EYA3: variants seen among roughly 807,000 people sequenced by gnomAD.
EYA3 encodes protein phosphatase EYA3.
A neutral mutation model predicts 80.0 loss-of-function variants in EYA3; 39 were observed. The observed-to-expected ratio is 0.49, with a 90% CI of 0.38 to 0.64. The LOEUF (loss-of-function observed/expected upper bound fraction) is 0.64. Among genes scored for constraint, EYA3 ranks in the 30% least tolerant of loss-of-function variants. The pLI, the probability that EYA3 is intolerant of heterozygous loss-of-function variation, is 0.00. For missense variants in EYA3, 523 were observed against 676.1 expected (o/e 0.77, Z 2.51); for synonymous variants, 206 against 232.8 (o/e 0.88, Z 1.05).
intron 7 of EYA3, among the ~76,000 whole-genome samples, chr1:28,017,747 T>C (rs1221408279): frequency 1.3e-5 from 2 of 152,248 alleles, no homozygotes; most frequent in Non-Finnish European, 2.9e-5. Context: ...AATTGCTTCT[T>C]GAGTTCTACT....
chr1:28,026,760 GA>G (rs200588336), intron 7 of EYA3, among the ~76,000 whole-genome samples: 104 of 138,964 alleles, frequency 7.5e-4, no homozygotes, highest in African/African-American at 1.2e-3. Flanking sequence ...GACAAGGGGA[GA>G]AAAAAAAAAA....
chr1:28,005,693 C>A (rs963498011), intron 10 of EYA3, among the ~76,000 whole-genome samples: 4 of 151,510 alleles, frequency 2.6e-5, no homozygotes, highest in African/African-American at 2.4e-5. Context: ...CCAGTCTGGG[C>A]AACGAAGTGA....
chr1:27,999,065 A>G (rs1640650548), intron 12 of EYA3, among the ~76,000 whole-genome samples: 1 of 152,222 alleles, frequency 6.6e-6, no homozygotes, highest in Admixed American at 6.5e-5. Flanking sequence ...CACCACGCCC[A>G]GCCTATAAAA....
At chr1:28,044,807 C>T (rs373304096) in intron 3 of EYA3, among the ~76,000 whole-genome samples, 61 of 152,122 alleles carry the variant, frequency 4.0e-4, no homozygotes, top group African/African-American at 1.4e-3. Context: ...GGGTCTCACT[C>T]GGTCACCCAG....
chr1:27,975,260 C>A (rs1638875416), intron 17 of EYA3, among the ~76,000 whole-genome samples: 1 of 152,100 alleles, frequency 6.6e-6, no homozygotes. Context: ...TGGCTCACTG[C>A]AGCCTTGACC....
At chr1:27,980,956 C>T (rs558884221) in intron 16 of EYA3, among the ~76,000 whole-genome samples, 3 of 152,218 alleles carry the variant, frequency 2.0e-5, no homozygotes, top group South Asian at 2.1e-4. Context: ...GTGGGTGGAT[C>T]GCTTGAGCGT....
At chr1:28,012,083 A>G (rs943371583) in intron 9 of EYA3, among the ~76,000 whole-genome samples, 2 of 152,170 alleles carry the variant, frequency 1.3e-5, no homozygotes, top group Non-Finnish European at 1.5e-5. Context: ...GGTTATGTTA[A>G]TAAGTACCAT....
chr1:28,087,654 A>T (rs1434437380), intron 1 of EYA3, among the ~76,000 whole-genome samples: 1 of 152,224 alleles, frequency 6.6e-6, no homozygotes, highest in East Asian at 1.9e-4. Context: ...CCGAAAACAG[A>T]GCTGAACGTC....
chr1:28,043,950 A>G (rs1423274734), intron 3 of EYA3, among the ~76,000 whole-genome samples: 1 of 152,250 alleles, frequency 6.6e-6, no homozygotes, highest in Non-Finnish European at 1.5e-5. Context: ...TCCCAGTTAA[A>G]TAAAACACAA....
At chr1:28,003,116 A>T (rs1641002869) in intron 11 of EYA3, among the ~76,000 whole-genome samples, 1 of 150,928 alleles carries the variant, frequency 6.6e-6, no homozygotes. Flanking sequence ...AAAAAAAAAA[A>T]AAAATTAGCT....
intron 4 of EYA3, among the ~76,000 whole-genome samples, chr1:28,040,861 G>GA (rs1399960813): frequency 6.6e-6 from 1 of 151,800 alleles, no homozygotes; most frequent in Non-Finnish European, 1.5e-5. Flanking sequence ...GGGCAGGGGG[G>GA]GGTCGGGGGA....
At position 28,073,103 on chromosome 1, in the gene EYA3, T is replaced by TTATATATACATATACATATA. The variant is rs1553157587; in HGVS notation, c.-68-15010_-68-15009insTATATGTATATGTATATATA. Among the ~76,000 whole-genome samples, 51 of 37,752 alleles carry TTATATATACATATACATATA rather than the reference T, an allele frequency of 1.4e-3. 1 individual carries two copies. Among genetic ancestry groups the TTATATATACATATACATATA allele is most frequent in the Non-Finnish European group, 2.0e-3 (48 of 23,430 alleles). The allele number at this position is 37,752 out of a possible 152,430, so 24.8% of individuals were successfully genotyped here. ...ATCCTTTTTGGGATTGATGAAACTA[T>TTATATATACATATACATATA]TATATATATATATATATATATATAT... On this transcript the variant is annotated intron_variant, in intron 1 of 17. Coordinates refer to ENST00000373871, the MANE Select transcript of EYA3 (RefSeq NM_001990.4).
chr1:28,030,967 G>T (rs1471024066), intron 6 of EYA3, among the ~76,000 whole-genome samples: 4 of 152,002 alleles, frequency 2.6e-5, no homozygotes, highest in Non-Finnish European at 5.9e-5. Context: ...TTCCAAATAG[G>T]TTTTGACCCT....
Position 28,056,206 on chromosome 1 carries a change from C to A in EYA3, c.33+1788G>T, listed in dbSNP as rs1571912352. Reference sequence around the variant, plus strand: ...TTATCTAACTCTCACACACTAAGCCCCTATTTCTCCTGCCCTAAATCATAA... The same window carrying A: ...TTATCTAACTCTCACACACTAAGCCACTATTTCTCCTGCCCTAAATCATAA... On this transcript the variant is annotated intron_variant, in intron 2 of 17. Coordinates refer to ENST00000373871, the MANE Select transcript of EYA3 (RefSeq NM_001990.4). Among the ~76,000 whole-genome samples the A allele has an allele frequency of 4.6e-5, 7 of 152,258 alleles. No homozygotes were observed. In the South Asian group the frequency reaches 1.4e-3, roughly 32 times the overall value.
At chr1:28,025,424 C>G (rs893681436) in intron 7 of EYA3, among the ~76,000 whole-genome samples, 1 of 152,156 alleles carries the variant, frequency 6.6e-6, no homozygotes, top group African/African-American at 2.4e-5. Flanking sequence ...TGTACTCATG[C>G]TCTGGAGTCA....
chr1:28,013,051 TA>T lies in EYA3; in HGVS notation c.769+59del, dbSNP rs1641799038. 1.2e-5 allele frequency: 18 copies of T among 1,539,658 alleles called. No individual in the cohort carries two copies. The highest frequency in any genetic ancestry group is 1.6e-5 in the Non-Finnish European group (18 of 1,136,156). On this transcript the variant is annotated intron_variant, in intron 9 of 17. Transcript: ENST00000373871. The surrounding 1 kb of genome is among the most constrained non-coding windows in gnomAD (Gnocchi z 4.0). ...GAACAAAATCATCCTTACCATTGCCTAAAAACAACTGTTGGATGAAGTGACC... is the reference window on the plus strand; with the variant it reads ...GAACAAAATCATCCTTACCATTGCCTAAAACAACTGTTGGATGAAGTGACC...
intron 8 of EYA3, among the ~76,000 whole-genome samples, chr1:28,014,705 G>A (rs963544334): frequency 6.6e-5 from 10 of 150,722 alleles, no homozygotes; most frequent in African/African-American, 1.7e-4. Flanking sequence ...TCCAGACTGG[G>A]CAACAGAGCA....
chr1:27,993,321 G>T, intron 14 of EYA3, 79 bp downstream of exon 14: 2 of 1,402,258 alleles, frequency 1.4e-6, no homozygotes, highest in Non-Finnish European at 2.0e-6. Context: ...TTGTCATGGG[G>T]AATCTAAGGA....
At chr1:27,994,604 T>C (rs1640301645) in intron 13 of EYA3, among the ~76,000 whole-genome samples, 2 of 152,078 alleles carry the variant, frequency 1.3e-5, no homozygotes, top group Non-Finnish European at 2.9e-5. Flanking sequence ...GGAGAATCGC[T>C]TGAGATTGGA....
Sources: allele counts gnomAD v4.1 joint callset (sites outside exome capture counted in the v4.1 genomes callset), GRCh38; gene constraint gnomAD v4.1.1; non-coding constraint Gnocchi (gnomAD v3.1); transcripts MANE v1.5; gene names NCBI Gene and HGNC (gene_info 2026-07-23, HGNC 2026-07-21).